The following BRSK2 variants were observed in gnomAD, a reference collection of about 807,000 sequenced individuals.
BRSK2 encodes the protein BR serine/threonine kinase 2, also known as serine/threonine-protein kinase BRSK2.
In BRSK2, 19 loss-of-function variants were observed where a neutral mutation model predicts 83.3. The ratio of observed to expected loss-of-function variants is 0.23; its 90% CI spans 0.16 to 0.33. The LOEUF (loss-of-function observed/expected upper bound fraction) is 0.33, where lower values mean the gene tolerates loss of function less well. Ranked by LOEUF, BRSK2 falls within the 10% of genes least tolerant of loss-of-function variation. The pLI is 1.00. For synonymous variants in BRSK2, 519 were observed against 435.4 expected (o/e 1.19, Z -2.39); for missense variants, 798 against 1,042.3 (o/e 0.77, Z 3.23).
chr11:1,391,012 G>A (rs1014887151), intron 1 of BRSK2, among the ~76,000 whole-genome samples: 1 of 152,174 alleles, frequency 6.6e-6, no homozygotes, highest in Admixed American at 6.5e-5. Flanking sequence ...CCAGAAGTGC[G>A]TGGGACCTGA....
At position 1,456,419 on chromosome 11, in the gene BRSK2, A is replaced by G. The variant is rs202041290; in HGVS notation, c.1740A>G (p.Pro580=). 363 of 1,600,326 alleles carry G rather than the reference A, an allele frequency of 2.3e-4. 2 individuals carry two copies. In the East Asian group the frequency reaches 6.2e-3, roughly 28 times the overall value. ...FRAEYKATGG[P]AVFQKPVKFQ... ...CCGAGTACAAGGCCACGGGGGGGCC[A>G]GCCGTGTTCCAGAAGCCGGTCAAGT... The change falls in exon 17 of 20, where the codon CCA becomes CCG. Residue 580 remains proline, a synonymous_variant. Transcript: ENST00000528841.
intron 1 of BRSK2, among the ~76,000 whole-genome samples, chr11:1,433,717 T>G (rs982679913): frequency 2.6e-5 from 4 of 152,244 alleles, no homozygotes; most frequent in African/African-American, 9.6e-5. Context: ...TAGGCCCTCC[T>G]GAGTGCTCCT....
At chr11:1,401,113 G>T (rs1036108969) in intron 1 of BRSK2, among the ~76,000 whole-genome samples, 4 of 152,108 alleles carry the variant, frequency 2.6e-5, no homozygotes, top group African/African-American at 9.7e-5. Context: ...CACGGGGCAG[G>T]GTGGAGCCGG....
intron 1 of BRSK2, among the ~76,000 whole-genome samples, chr11:1,407,194 C>T (rs1256344764): frequency 6.6e-6 from 1 of 152,110 alleles, no homozygotes; most frequent in Non-Finnish European, 1.5e-5. Flanking sequence ...TGCGTGGGTC[C>T]CCCACATCTG....
intron 8 of BRSK2, 85 bp from the exon 9 acceptor site, chr11:1,444,886 G>C: frequency 7.6e-7 from 1 of 1,311,248 alleles, no homozygotes; most frequent in South Asian, 1.2e-5. Flanking sequence ...CGTGCTCCCA[G>C]CGCCCCTGCC....
intron 18 of BRSK2, chr11:1,456,962 C>T (rs775624338): frequency 2.5e-6 from 4 of 1,597,294 alleles, no homozygotes; most frequent in Non-Finnish European, 3.4e-6. Flanking sequence ...TAGAACCCCC[C>T]CCACCAGCGC....
At position 1,445,661 on chromosome 11, in the gene BRSK2, C is replaced by A; in HGVS notation, c.1068C>A (p.Asn356Lys). The A allele has an allele frequency of 6.2e-7, 1 of 1,603,030 alleles. No individual in the cohort carries two copies. Among genetic ancestry groups the A allele is most frequent in the Non-Finnish European group, 8.5e-7 (1 of 1,175,328 alleles). The change falls in exon 11 of 20, where the codon AAC becomes AAA. Residue 356 changes from asparagine to lysine, a missense_variant. Coordinates refer to ENST00000528841, the MANE Select transcript of BRSK2 (RefSeq NM_001256627.2). ...AGGATGAGGACCTGCCCCCCCGGAA[C>A]GAGATAGGTATGGGTCCAGGGGTGG... ...SQEDEDLPPR[N>K]EIDPPRKRVD...
At chr11:1,399,856 C>T (rs920304079) in intron 1 of BRSK2, among the ~76,000 whole-genome samples, 5 of 152,110 alleles carry the variant, frequency 3.3e-5, no homozygotes, top group Non-Finnish European at 5.9e-5. Flanking sequence ...CTCTGTGGTT[C>T]CCGAGGCTTT....
chr11:1,423,787 G>A lies in BRSK2; in HGVS notation c.92-12253G>A, dbSNP rs1212266862. Among the ~76,000 whole-genome samples, 1 of 145,676 alleles carries A rather than the reference G, an allele frequency of 6.9e-6. No homozygotes were observed. Among genetic ancestry groups the A allele is most frequent in the Non-Finnish European group, 1.5e-5 (1 of 66,022 alleles). ...AGGCCTCCCCCGCTGGGCGTTCCGG[G>A]TGCCCCAGGCCTCCCCCGCTGGGCG... On this transcript the variant is annotated intron_variant, in intron 1 of 19. Transcript: ENST00000528841. This position sits in a 1 kb window ranked among gnomAD's most constrained non-coding sequence, Gnocchi z 6.5.
At chr11:1,418,117 G>T (rs1251062793) in intron 1 of BRSK2, among the ~76,000 whole-genome samples, 2 of 144,468 alleles carry the variant, frequency 1.4e-5, no homozygotes, top group East Asian at 2.2e-4. Flanking sequence ...GCTTCTGTTG[G>T]CTGTTTCTTC....
Position 1,454,190 on chromosome 11 carries a change from G to C in BRSK2, c.1545-295G>C, listed in dbSNP as rs924493384. 3.4e-6 allele frequency: 1 copy of C among 297,704 alleles called. No homozygotes were observed. The allele number at this position is 297,704 out of a possible 1,614,324, so 18.4% of individuals were successfully genotyped here. A position where few individuals can be genotyped will look rare whatever the true frequency, so the allele number is the denominator to read the frequency against. On this transcript the variant is annotated intron_variant, in intron 15 of 19. Coordinates refer to ENST00000528841, the MANE Select transcript of BRSK2 (RefSeq NM_001256627.2). The surrounding 1 kb of genome is among the most constrained non-coding windows in gnomAD (Gnocchi z 5.2). ...CTCACCTGTGGGGGGCTCACCTGTG[G>C]AGGGGCATCCCCAGACTTGGGAGTG...
At chr11:1,402,439 C>G (rs1846542235) in intron 1 of BRSK2, among the ~76,000 whole-genome samples, 1 of 152,222 alleles carries the variant, frequency 6.6e-6, no homozygotes, top group Non-Finnish European at 1.5e-5. Flanking sequence ...CAAGCTGCCT[C>G]CACCTGAACC....
chr11:1,409,539 T>C (rs61867655), intron 1 of BRSK2: 62,764 of 152,016 alleles, frequency 0.41, 13,675 homozygotes, highest in Non-Finnish European at 0.46. Flanking sequence ...TTGGAGGCTG[T>C]GTGGCGTCCG....
chr11:1,422,085 G>A (rs911897647), intron 1 of BRSK2, among the ~76,000 whole-genome samples: 39 of 152,144 alleles, frequency 2.6e-4, no homozygotes, highest in African/African-American at 8.9e-4. Context: ...GGGTGTATTC[G>A]AGGCGGGGTC....
intron 19 of BRSK2, 29 bp from the exon 20 acceptor site, chr11:1,460,461 CTTTTTTTTTT>C: frequency 1.8e-6 from 1 of 541,916 alleles, no homozygotes; most frequent in Non-Finnish European, 2.3e-6. Flanking sequence ...TTCTTTTTTC[CTTTTTTTTTT>C]TTTTTTTGTC....
intron 15 of BRSK2, among the ~76,000 whole-genome samples, chr11:1,452,178 G>A (rs1169977186): frequency 1.3e-5 from 2 of 152,200 alleles, no homozygotes; most frequent in Non-Finnish European, 2.9e-5. Flanking sequence ...TGAGTAAGAC[G>A]AGAACCTTCG....
intron 15 of BRSK2, 73 bp downstream of exon 15, chr11:1,451,492 C>A: frequency 1.3e-6 from 2 of 1,507,042 alleles, no homozygotes; most frequent in Non-Finnish European, 1.8e-6. Context: ...GGAACCCTTC[C>A]CCTATGGCCA....
At chr11:1,392,477 G>T (rs1185500930) in intron 1 of BRSK2, among the ~76,000 whole-genome samples, 1 of 152,216 alleles carries the variant, frequency 6.6e-6, no homozygotes, top group Non-Finnish European at 1.5e-5. Context: ...ATCTCTCTCA[G>T]CCTGAGACCT....
chr11:1,391,707 G>A (rs1845741373), intron 1 of BRSK2, among the ~76,000 whole-genome samples: 3 of 152,158 alleles, frequency 2.0e-5, no homozygotes, highest in Non-Finnish European at 2.9e-5. Flanking sequence ...CGTCTTTCCC[G>A]GAAAGAAAAA....
Sources: allele counts gnomAD v4.1 joint callset (sites outside exome capture counted in the v4.1 genomes callset), GRCh38; gene constraint gnomAD v4.1.1; non-coding constraint Gnocchi (gnomAD v3.1); transcripts MANE v1.5; gene names NCBI Gene and HGNC (gene_info 2026-07-23, HGNC 2026-07-21).